SGCZ: variants seen among roughly 807,000 people sequenced by gnomAD.
SGCZ encodes the protein sarcoglycan zeta, also known as zeta-sarcoglycan.
SGCZ carries 40 observed loss-of-function variants against 41.3 expected under a neutral mutation model. The ratio of observed to expected loss-of-function variants is 0.97; its 90% CI spans 0.75 to 1.26. The LOEUF is 1.26. Among genes scored for constraint, SGCZ ranks in the 50% most tolerant of loss-of-function variants. SGCZ has a pLI of 0.00. For synonymous variants in SGCZ, 206 were observed against 137.5 expected (o/e 1.50, Z -3.49); for missense variants, 552 against 369.8 (o/e 1.49, Z -4.04).
chr8:15,085,823 G>A (rs1370914515), intron 1 of SGCZ, among the ~76,000 whole-genome samples: 1 of 152,072 alleles, frequency 6.6e-6, no homozygotes, highest in East Asian at 1.9e-4. Context: ...CACCTTCAGA[G>A]GCAGCCCTCT....
chr8:14,704,584 G>C (rs1021044522), intron 1 of SGCZ, among the ~76,000 whole-genome samples: 2 of 151,876 alleles, frequency 1.3e-5, no homozygotes, highest in Non-Finnish European at 2.9e-5. Context: ...CAGGTCATGT[G>C]GTAGCTGTGA....
chr8:14,874,365 T>G (rs556073772), intron 1 of SGCZ, among the ~76,000 whole-genome samples: 2 of 152,136 alleles, frequency 1.3e-5, no homozygotes, highest in Non-Finnish European at 2.9e-5. Flanking sequence ...TGGCTCATAA[T>G]TTTTCCCTGG....
At chr8:14,689,688 C>G (rs573901419) in intron 1 of SGCZ, among the ~76,000 whole-genome samples, 13 of 152,296 alleles carry the variant, frequency 8.5e-5, no homozygotes, top group South Asian at 8.3e-4. Flanking sequence ...TAATCAGGGA[C>G]TATCTACAGC....
At chr8:14,224,702 C>T (rs1806313329) in intron 4 of SGCZ, among the ~76,000 whole-genome samples, 1 of 152,030 alleles carries the variant, frequency 6.6e-6, no homozygotes, top group African/African-American at 2.4e-5. Flanking sequence ...TATAAAATGG[C>T]CAGGGAGTAA....
chr8:14,173,255 G>A (rs144064435), intron 4 of SGCZ, among the ~76,000 whole-genome samples: 1 of 151,788 alleles, frequency 6.6e-6, no homozygotes, highest in African/African-American at 2.4e-5. Context: ...CACTAACCAG[G>A]AGAAAAATCA....
At chr8:14,275,687 G>T (rs1038204671) in intron 3 of SGCZ, among the ~76,000 whole-genome samples, 2 of 152,118 alleles carry the variant, frequency 1.3e-5, no homozygotes, top group Non-Finnish European at 2.9e-5. Flanking sequence ...TTCCTGGAAT[G>T]CTTCTTCCCT....
rs1803985942 is a variant in SGCZ, at chr8:14,554,906, T to C, written c.60A>G (p.Ile20Met). 6.2e-7 allele frequency: 1 copy of C among 1,611,604 alleles called. No individual in the cohort carries two copies. The highest frequency in any genetic ancestry group is 2.2e-5 in the East Asian group (1 of 44,752). The change falls in exon 2 of 8, where the codon ATA becomes ATG. Residue 20 changes from isoleucine (I) to methionine (M), a missense_variant. By Grantham distance (10) the Ile-to-Met change is conservative. Coordinates refer to ENST00000382080, the MANE Select transcript of SGCZ (RefSeq NM_139167.4). ...GCAGGTTATTCTGTTGGGTTGCTAG[T>C]ATGTATTGTTCTCGTGTCATCTGAA... The part of the protein sequence containing the change: ...EELKMTREQY[I>M]LATQQNNLPR...
intron 3 of SGCZ, among the ~76,000 whole-genome samples, chr8:14,306,214 T>A (rs1801349252): frequency 6.6e-6 from 1 of 152,216 alleles, no homozygotes; most frequent in Non-Finnish European, 1.5e-5. Flanking sequence ...AAAAGTAGTT[T>A]ACAAATCTCA....
intron 1 of SGCZ, among the ~76,000 whole-genome samples, chr8:15,007,084 G>T (rs530939414): frequency 6.6e-6 from 1 of 152,142 alleles, no homozygotes; most frequent in African/African-American, 2.4e-5. Flanking sequence ...AAAATTGAAG[G>T]ACTGAGTGAA....
intron 1 of SGCZ, among the ~76,000 whole-genome samples, chr8:15,028,317 C>T (rs1321436943): frequency 6.6e-6 from 1 of 151,764 alleles, no homozygotes; most frequent in Non-Finnish European, 1.5e-5. Flanking sequence ...TGACGTCTTT[C>T]GAAGTTGAAG....
In SGCZ at chr8:14,366,531, C is replaced by T. The variant is rs1582812; in HGVS notation, c.235-42327G>A. On this transcript the variant is annotated intron_variant, in intron 2 of 7. Transcript: ENST00000382080. ...GGACACAAAGTATAACCATATCATT[C>T]CACCCCTGGCCCCTCCTAGATCTTA... Among the ~76,000 whole-genome samples the T allele has an allele frequency of 5.7e-3, 860 of 152,148 alleles. 14 individuals carry two copies. The East Asian group carries it at 0.06, about 11-fold the overall frequency.
intron 7 of SGCZ, among the ~76,000 whole-genome samples, chr8:14,100,993 C>A (rs73520341): frequency 2.6e-5 from 4 of 151,894 alleles, no homozygotes; most frequent in Non-Finnish European, 4.4e-5. Flanking sequence ...CAGATTTACA[C>A]TGTCAAGAAC....
chr8:14,542,810 T>A (rs1803510775), intron 2 of SGCZ, among the ~76,000 whole-genome samples: 2 of 152,072 alleles, frequency 1.3e-5, no homozygotes, highest in South Asian at 4.1e-4. Context: ...TAAAAAAAAA[T>A]CTGAAACAGC....
chr8:14,426,585 G>A (rs1223821174), intron 2 of SGCZ, among the ~76,000 whole-genome samples: 1 of 152,170 alleles, frequency 6.6e-6, no homozygotes, highest in Non-Finnish European at 1.5e-5. Context: ...GAGAAGTTTT[G>A]TTTGTTATTT....
At chr8:15,211,108 T>C (rs1021199276) in intron 1 of SGCZ, among the ~76,000 whole-genome samples, 5 of 151,244 alleles carry the variant, frequency 3.3e-5, no homozygotes, top group Non-Finnish European at 5.9e-5. Context: ...TATAGCTATA[T>C]CTAGATATTG....
intron 1 of SGCZ, among the ~76,000 whole-genome samples, chr8:14,910,122 T>A (rs996927554): frequency 1.1e-4 from 16 of 152,090 alleles, no homozygotes; most frequent in African/African-American, 3.6e-4. Context: ...AGATGTTGCA[T>A]TCTATAAAAC....
intron 1 of SGCZ, among the ~76,000 whole-genome samples, chr8:14,660,790 T>G (rs187500731): frequency 1.3e-5 from 2 of 152,002 alleles, no homozygotes; most frequent in African/African-American, 2.4e-5. Context: ...GGAGAGGCCA[T>G]ACAGTAAACA....
At chr8:15,128,366 TGAA>T (rs1220766183) in intron 1 of SGCZ, among the ~76,000 whole-genome samples, 1 of 152,236 alleles carries the variant, frequency 6.6e-6, no homozygotes, top group Non-Finnish European at 1.5e-5. Context: ...CTCTGAGGAA[TGAA>T]GTCTTGTCTC....
At chr8:15,196,842 G>A (rs1326033550) in intron 1 of SGCZ, among the ~76,000 whole-genome samples, 5 of 152,130 alleles carry the variant, frequency 3.3e-5, no homozygotes, top group South Asian at 4.1e-4. Context: ...TCATGTAGCC[G>A]CATTCAGCTG....
Sources: gnomAD v4.1 joint callset for allele counts (sites outside exome capture counted in the v4.1 genomes callset) on GRCh38, gnomAD v4.1.1 for gene constraint, MANE v1.5 for transcripts, NCBI Gene and HGNC (gene_info 2026-07-23, HGNC 2026-07-21) for gene names.